YES1: variants seen among roughly 807,000 people sequenced by gnomAD.
The protein encoded by YES1 is YES proto-oncogene 1, Src family tyrosine kinase, also known as tyrosine-protein kinase Yes.
Under a neutral mutation model 70.4 loss-of-function variants are expected in YES1, and 39 were observed. The observed-to-expected ratio is 0.55, with a 90% CI of 0.43 to 0.72. The LOEUF is 0.72. Ranked by LOEUF, YES1 falls within the 30% of genes least tolerant of loss-of-function variation. The pLI is 0.00. For missense variants in YES1, 495 were observed against 644.8 expected, an observed-to-expected ratio of 0.77 and a Z score of 2.52; for synonymous variants, 198 against 218.6, an observed-to-expected ratio of 0.91 and a Z score of 0.83.
At chr18:767,570 T>C (rs1320598972) in intron 1 of YES1, among the ~76,000 whole-genome samples, 3 of 152,234 alleles carry the variant, frequency 2.0e-5, no homozygotes, top group Admixed American at 6.5e-5. Flanking sequence ...ACCATGTATG[T>C]GTGTAGGTCT....
chr18:744,693 T>TC (rs1410347980), intron 6 of YES1, among the ~76,000 whole-genome samples: 1 of 126,728 alleles, frequency 7.9e-6, no homozygotes, highest in Non-Finnish European at 1.6e-5. Flanking sequence ...CCTGGCCTTT[T>TC]TTTTTTTTTT....
At chr18:812,425 C>A (rs995418816), upstream of YES1, 1 of 152,070 alleles carries the variant, frequency 6.6e-6, no homozygotes, top group South Asian at 2.1e-4. Flanking sequence ...CGGGCCACGC[C>A]GGCCCGGCTC....
chr18:799,171 G>A (rs1205137802), intron 1 of YES1, among the ~76,000 whole-genome samples: 1 of 152,128 alleles, frequency 6.6e-6, no homozygotes, highest in Non-Finnish European at 1.5e-5. Flanking sequence ...GAACCAAGTG[G>A]TATTTTCCAT....
intron 9 of YES1, chr18:737,909 G>A (rs192209910): frequency 3.3e-5 from 5 of 152,254 alleles, no homozygotes; most frequent in Non-Finnish European, 2.9e-5. Flanking sequence ...TTGTAGAGAT[G>A]GGGTTTCACT....
chr18:785,154 T>A (rs976880468), intron 1 of YES1, among the ~76,000 whole-genome samples: 1 of 33,114 alleles, frequency 3.0e-5, no homozygotes, highest in African/African-American at 4.0e-4. Flanking sequence ...TGCACAGACC[T>A]TTTTTTTTTT....
rs2080273073 is a variant in YES1, at chr18:745,807, C to T, written c.625G>A (p.Val209Met). The change falls in exon 6 of 12, where the codon GTG (valine) becomes ATG (methionine). Residue 209 changes from valine to methionine, a missense_variant. Val to Met is a conservative substitution (Grantham distance 21). Coordinates refer to ENST00000314574, the MANE Select transcript of YES1 (RefSeq NM_005433.4). Reference protein sequence around the residue: ...RDWDEIRGDNVKHYKIRKLDN... With the variant: ...RDWDEIRGDNMKHYKIRKLDN... ...AGTTTCCTAATTTTGTAGTGTTTCA[C>T]ATTGTCACCCCTTATCTCATCCCAA... 1 of 1,613,084 alleles carries T rather than the reference C, an allele frequency of 6.2e-7. No homozygotes were observed. Among genetic ancestry groups the T allele is most frequent in the Non-Finnish European group, 8.5e-7 (1 of 1,179,822 alleles).
chr18:752,836 G>C (rs1486813820), intron 2 of YES1, among the ~76,000 whole-genome samples: 1 of 152,130 alleles, frequency 6.6e-6, no homozygotes, highest in Non-Finnish European at 1.5e-5. Flanking sequence ...TCAGCTACTT[G>C]GGAGGTTGAG....
chr18:743,243 AAAT>A lies in YES1; in HGVS notation c.880+14_880+16del. On this transcript the variant is annotated intron_variant, in intron 7 of 11. Transcript: ENST00000314574. ...ACAGCTAAACAATGACAGAAAACAA[AAAT>A]TCAGGCTTCTTACCCATCCACACTT... is the stretch of plus-strand genomic sequence containing the variant. 6.2e-7 allele frequency: 1 copy of A among 1,600,542 alleles called. No homozygotes were observed. The highest frequency in any genetic ancestry group is 8.5e-7 in the Non-Finnish European group (1 of 1,171,816).
At chr18:792,888 C>T (rs1292123486) in intron 1 of YES1, among the ~76,000 whole-genome samples, 1 of 151,754 alleles carries the variant, frequency 6.6e-6, no homozygotes, top group Non-Finnish European at 1.5e-5. Flanking sequence ...AAATCAACAC[C>T]CACCCCTACT....
rs1230365377 is a variant in YES1 at position 724,433 on chromosome 18, T to G, written c.1623A>C (p.Glu541Asp). 6.2e-7 allele frequency: 1 copy of G among 1,613,516 alleles called. No individual in the cohort carries two copies. The highest frequency in any genetic ancestry group is 1.7e-5 in the Admixed American group (1 of 60,004). The stretch of plus-strand genomic sequence containing the variant: ...AAATAGGCTACTTGAATTATAAATT[T>G]TCTCCTGGCTGGTACTGTGGCTCTG... ...TATEPQYQPG[E>D]NL The change falls in exon 12 of 12, where the codon GAA becomes GAC. Residue 541 changes from glutamate (E) to aspartate (D), a missense_variant. Coordinates refer to ENST00000314574, the MANE Select transcript of YES1 (RefSeq NM_005433.4).
chr18:769,705 A>G (rs1905072174), intron 1 of YES1, among the ~76,000 whole-genome samples: 1 of 152,162 alleles, frequency 6.6e-6, no homozygotes, highest in Non-Finnish European at 1.5e-5. Context: ...CAATTGATGT[A>G]GTGAATTTTA....
At chr18:778,001 T>C (rs1905471472) in intron 1 of YES1, among the ~76,000 whole-genome samples, 1 of 152,226 alleles carries the variant, frequency 6.6e-6, no homozygotes, top group Non-Finnish European at 1.5e-5. Context: ...AGTATTTTGC[T>C]TTAATACAAT....
intron 11 of YES1, among the ~76,000 whole-genome samples, chr18:729,586 A>C (rs1354492015): frequency 7.2e-6 from 1 of 139,034 alleles, no homozygotes; most frequent in African/African-American, 2.7e-5. Context: ...CAAGATTTGG[A>C]TTATCTCAGA....
intron 9 of YES1, 30 bp from the exon 10 acceptor site, chr18:736,991 A>G (rs1196050650): frequency 2.6e-6 from 4 of 1,552,174 alleles, no homozygotes; most frequent in Non-Finnish European, 3.5e-6. Flanking sequence ...AAAACACAAG[A>G]CATACGATAC....
At chr18:743,163 G>A in intron 7 of YES1, 66 bp from the exon 8 acceptor site, 1 of 1,547,542 alleles carries the variant, frequency 6.5e-7, no homozygotes, top group Non-Finnish European at 8.7e-7. Context: ...TCAGTGAACA[G>A]CACTTCTCTT....
chr18:755,396 G>A (rs1029631709), intron 2 of YES1, among the ~76,000 whole-genome samples: 8 of 151,932 alleles, frequency 5.3e-5, no homozygotes, highest in Admixed American at 2.0e-4. Flanking sequence ...CTACAGGTGC[G>A]CAACACCACA....
intron 1 of YES1, among the ~76,000 whole-genome samples, chr18:802,753 C>T (rs1906891016): frequency 6.6e-6 from 1 of 152,076 alleles, no homozygotes; most frequent in Admixed American, 6.5e-5. Flanking sequence ...ATTATATATA[C>T]TTTCTGATTC....
At chr18:725,087 AC>A (rs1297274784) in intron 11 of YES1, among the ~76,000 whole-genome samples, 1 of 152,226 alleles carries the variant, frequency 6.6e-6, no homozygotes, top group Non-Finnish European at 1.5e-5. Flanking sequence ...ATATTGAATT[AC>A]TTCTGTGAAA....
In YES1 at chr18:765,056, C is replaced by G. The variant is rs62088306; in HGVS notation, c.-8-8221G>C. Among the ~76,000 whole-genome samples, 3 of 150,938 alleles carry G rather than the reference C, an allele frequency of 2.0e-5. No homozygotes were observed. In the East Asian group the frequency reaches 5.9e-4, roughly 30 times the overall value. On this transcript the variant is annotated intron_variant, in intron 1 of 11. Coordinates refer to ENST00000314574, the MANE Select transcript of YES1 (RefSeq NM_005433.4). Reference sequence around the variant, plus strand: ...GCTTATCTGAATCTTTTAAAGATAACAGAACTCTCAAATAATGTACAGCTT... The same window carrying G: ...GCTTATCTGAATCTTTTAAAGATAAGAGAACTCTCAAATAATGTACAGCTT...
Sources: gnomAD v4.1 joint callset for allele counts (sites outside exome capture counted in the v4.1 genomes callset) on GRCh38, gnomAD v4.1.1 for gene constraint, MANE v1.5 for transcripts, NCBI Gene and HGNC (gene_info 2026-07-23, HGNC 2026-07-21) for gene names.